Variants in XKR4 observed in about 807,000 individuals in gnomAD.
The protein encoded by XKR4 is XK-related protein 4.
A neutral mutation model predicts 53.9 loss-of-function variants in XKR4; 12 were observed. That is an observed-to-expected ratio of 0.22 (90% confidence interval 0.14 to 0.36). The LOEUF is 0.36. Among genes scored for constraint, XKR4 ranks in the 10% least tolerant of loss-of-function variants. XKR4 has a pLI of 1.00. For synonymous variants in XKR4, 354 were observed against 362.4 expected, an observed-to-expected ratio of 0.98 and a Z score of 0.26; for missense variants, 799 against 859.5, an observed-to-expected ratio of 0.93 and a Z score of 0.88.
chr8:55,472,182 T>A (rs1342387820), intron 2 of XKR4, among the ~76,000 whole-genome samples: 2 of 152,056 alleles, frequency 1.3e-5, no homozygotes, highest in Admixed American at 1.3e-4. Flanking sequence ...AAGATACAGT[T>A]TTAGGGTCAC....
intron 2 of XKR4, among the ~76,000 whole-genome samples, chr8:55,381,624 C>A (rs1804234456): frequency 2.0e-5 from 3 of 152,142 alleles, no homozygotes; most frequent in South Asian, 4.1e-4. Context: ...ATCTGGACCC[C>A]CAGCCAATTG....
chr8:55,288,324 C>G (rs540233081), intron 1 of XKR4, among the ~76,000 whole-genome samples: 2 of 152,294 alleles, frequency 1.3e-5, no homozygotes, highest in East Asian at 3.9e-4. Context: ...TTAGGCTTTG[C>G]TGTTTTGCAG....
intron 1 of XKR4, among the ~76,000 whole-genome samples, chr8:55,251,684 G>A (rs1818364232): frequency 6.6e-6 from 1 of 152,102 alleles, no homozygotes; most frequent in South Asian, 2.1e-4. Context: ...TAAGACAGTA[G>A]GTGTGGAGGA....
intron 1 of XKR4, among the ~76,000 whole-genome samples, chr8:55,275,431 G>C (rs1371900856): frequency 6.6e-6 from 1 of 152,126 alleles, no homozygotes. Context: ...GGATATCTTT[G>C]ACTCCTCCAA....
intron 1 of XKR4, among the ~76,000 whole-genome samples, chr8:55,210,865 G>A (rs1817721303): frequency 6.6e-6 from 1 of 152,162 alleles, no homozygotes; most frequent in South Asian, 2.1e-4. Context: ...TGCATTTCTG[G>A]TAGTTCCACC....
chr8:55,335,799 C>T (rs557856245), intron 1 of XKR4, among the ~76,000 whole-genome samples: 8 of 146,758 alleles, frequency 5.5e-5, no homozygotes, highest in East Asian at 2.1e-4. Flanking sequence ...GACATTATGC[C>T]GAATGAAAAA....
intron 2 of XKR4, among the ~76,000 whole-genome samples, chr8:55,478,951 G>C (rs1479761077): frequency 6.6e-6 from 1 of 151,954 alleles, no homozygotes; most frequent in East Asian, 1.9e-4. Flanking sequence ...AATAATAATG[G>C]GAGACTTTAA....
chr8:55,268,839 T>C (rs895812381), intron 1 of XKR4, among the ~76,000 whole-genome samples: 6 of 152,184 alleles, frequency 3.9e-5, no homozygotes, highest in Non-Finnish European at 8.8e-5. Context: ...TAAGCAGTGG[T>C]TCTACATAAA....
intron 2 of XKR4, among the ~76,000 whole-genome samples, chr8:55,472,321 C>T (rs1805900539): frequency 6.6e-6 from 1 of 152,122 alleles, no homozygotes; most frequent in Non-Finnish European, 1.5e-5. Flanking sequence ...ATACAATTCT[C>T]CACATGCTAG....
At chr8:55,408,797 A>G (rs1031323220) in intron 2 of XKR4, among the ~76,000 whole-genome samples, 2 of 152,108 alleles carry the variant, frequency 1.3e-5, no homozygotes, top group African/African-American at 4.8e-5. Context: ...TCACGGGGTC[A>G]GGAGTTCGAG....
Position 55,531,610 on chromosome 8 carries a change from C to T in XKR4, c.*7383C>T, listed in dbSNP as rs569472042. ...ATTTTTAAATTGATATCACAACACA[C>T]AAAAAAATTGAAATACTCTCTTGGT... On this transcript the variant is annotated 3_prime_UTR_variant, in exon 3 of 3. Coordinates refer to ENST00000327381, the MANE Select transcript of XKR4 (RefSeq NM_052898.2). The T allele has an allele frequency of 2.0e-5, 3 of 151,868 alleles. No individual in the cohort carries two copies. The South Asian group carries it at 6.2e-4, about 32-fold the overall frequency. 9.4% of individuals were successfully genotyped at this position (151,868 alleles called of 1,614,324 possible). A position where few individuals can be genotyped will look rare whatever the true frequency, so the allele number is the denominator to read the frequency against.
chr8:55,349,948 C>A (rs1803702646), intron 1 of XKR4, among the ~76,000 whole-genome samples: 1 of 152,038 alleles, frequency 6.6e-6, no homozygotes, highest in African/African-American at 2.4e-5. Flanking sequence ...CACATGATCC[C>A]ACCACTGAGA....
chr8:55,363,948 A>G (rs748298007), intron 2 of XKR4, among the ~76,000 whole-genome samples: 7 of 152,246 alleles, frequency 4.6e-5, no homozygotes, highest in Non-Finnish European at 1.0e-4. Flanking sequence ...AAAAGTTTAT[A>G]ATGTGACGCT....
intron 2 of XKR4, among the ~76,000 whole-genome samples, chr8:55,497,185 C>A (rs369196400): frequency 3.3e-5 from 5 of 152,338 alleles, no homozygotes; most frequent in East Asian, 1.9e-4. Context: ...ATTTAACAAA[C>A]TGCCATTTCC....
intron 2 of XKR4, among the ~76,000 whole-genome samples, chr8:55,489,752 C>T (rs992325767): frequency 3.3e-5 from 5 of 151,796 alleles, no homozygotes; most frequent in African/African-American, 1.2e-4. Flanking sequence ...TGAATATAAA[C>T]ATATATTTTA....
At chr8:55,302,185 A>G (rs1312222109) in intron 1 of XKR4, among the ~76,000 whole-genome samples, 8 of 152,172 alleles carry the variant, frequency 5.3e-5, no homozygotes, top group Non-Finnish European at 7.4e-5. Flanking sequence ...AGGTGTAAGG[A>G]AGGGATCCAG....
intron 1 of XKR4, among the ~76,000 whole-genome samples, chr8:55,344,329 AC>A (rs774111082): frequency 6.6e-6 from 1 of 152,088 alleles, no homozygotes; most frequent in Non-Finnish European, 1.5e-5. Context: ...GCACACAGAC[AC>A]TCGGTGCTTT....
intron 2 of XKR4, among the ~76,000 whole-genome samples, chr8:55,439,298 C>T (rs910901584): frequency 5.9e-5 from 9 of 151,696 alleles, no homozygotes; most frequent in Admixed American, 5.9e-4. Context: ...ATAATGCCCA[C>T]GTATAAAGTC....
rs1246152582 is a variant in XKR4, at chr8:55,454,226, A to T, written c.1007-69055A>T. The T allele has an allele frequency of 3.6e-6, 4 of 1,114,000 alleles. No homozygotes were observed. In the South Asian group the frequency reaches 3.7e-5, roughly 10 times the overall value. The allele number at this position is 1,114,000 out of a possible 1,614,324, so 69.0% of individuals were successfully genotyped here. A position where few individuals can be genotyped will look rare whatever the true frequency, so the allele number is the denominator to read the frequency against. On this transcript the variant is annotated intron_variant, in intron 2 of 2. Transcript: ENST00000327381. ...GGGTGGAATGTGCACACACTCAGGGATGGTCACCGTCTCTCCATCCAGATC... is the reference window on the plus strand; with the variant it reads ...GGGTGGAATGTGCACACACTCAGGGTTGGTCACCGTCTCTCCATCCAGATC...
Sources: gnomAD v4.1 joint callset for allele counts (sites outside exome capture counted in the v4.1 genomes callset) on GRCh38, gnomAD v4.1.1 for gene constraint, MANE v1.5 for transcripts, NCBI Gene and HGNC (gene_info 2026-07-23, HGNC 2026-07-21) for gene names.